LYPLAL1: variants seen among roughly 807,000 people sequenced by gnomAD.
The protein encoded by LYPLAL1 is lysophospholipase-like protein 1.
In LYPLAL1, 23 loss-of-function variants were observed where a neutral mutation model predicts 19.7. That is an observed-to-expected ratio of 1.17 (90% confidence interval 0.84 to 1.65). The LOEUF is 1.65. Ranked by LOEUF, LYPLAL1 falls within the 40% of genes most tolerant of loss-of-function variation. The pLI is 0.00. For missense variants in LYPLAL1, 355 were observed against 279.4 expected (o/e 1.27, Z -1.93); for synonymous variants, 119 against 96.3 (o/e 1.24, Z -1.38).
chr1:219,178,729 C>A (rs1300102935), intron 1 of LYPLAL1, among the ~76,000 whole-genome samples: 1 of 152,010 alleles, frequency 6.6e-6, no homozygotes, highest in African/African-American at 2.4e-5. Flanking sequence ...GTTCTTCTAA[C>A]TACAGAAGTT....
chr1:219,184,602 C>CT (rs1188013283), intron 2 of LYPLAL1, among the ~76,000 whole-genome samples: 6 of 151,444 alleles, frequency 4.0e-5, no homozygotes, highest in Admixed American at 1.3e-4. Context: ...GTATATATGC[C>CT]TTTTTTTTAT....
chr1:219,405,363 C>A, the LYPLAL1 span, among the ~76,000 whole-genome samples: 1 of 152,116 alleles, frequency 6.6e-6, no homozygotes, highest in African/African-American at 2.4e-5. Context: ...TATCTGCAGA[C>A]AAATGGTAAA....
the LYPLAL1 span, among the ~76,000 whole-genome samples, chr1:219,336,095 A>G: frequency 6.6e-6 from 1 of 151,192 alleles, no homozygotes; most frequent in African/African-American, 2.4e-5. Flanking sequence ...AACAGTGTTG[A>G]CAAAAAACTC....
At chr1:219,205,370 A>AAC (rs1553302366) in intron 3 of LYPLAL1, among the ~76,000 whole-genome samples, 12 of 149,792 alleles carry the variant, frequency 8.0e-5, no homozygotes, top group Non-Finnish European at 1.0e-4. Flanking sequence ...TCTCAAAAAA[A>AAC]AAAAAAAACA....
the LYPLAL1 span, among the ~76,000 whole-genome samples, chr1:219,289,081 T>TTTTG: frequency 1.3e-5 from 2 of 149,808 alleles, no homozygotes; most frequent in Non-Finnish European, 3.0e-5. Context: ...TTGTTTTGTT[T>TTTTG]TTTTTGTTTT....
the LYPLAL1 span, among the ~76,000 whole-genome samples, chr1:219,393,937 CTT>C: frequency 1.3e-5 from 2 of 151,364 alleles, no homozygotes; most frequent in Admixed American, 1.3e-4. Context: ...TAGAAAAAAA[CTT>C]GTGTTTCTAA....
At chr1:219,231,165 C>T in the LYPLAL1 span, among the ~76,000 whole-genome samples, 1 of 152,102 alleles carries the variant, frequency 6.6e-6, no homozygotes, top group African/African-American at 2.4e-5. Flanking sequence ...TCTTTAAGAC[C>T]CCTTAACAAT....
chr1:219,205,281 C>CGGGAA (rs1352343925), intron 3 of LYPLAL1, among the ~76,000 whole-genome samples: 6 of 145,342 alleles, frequency 4.1e-5, no homozygotes, highest in African/African-American at 1.3e-4. Flanking sequence ...GGCGTGAACC[C>CGGGAA]GGGAAGCGGA....
At chr1:219,410,332 T>C in the LYPLAL1 span, 1 of 152,288 alleles carries the variant, frequency 6.6e-6, no homozygotes, top group African/African-American at 2.4e-5. Flanking sequence ...ATGCTAGTTA[T>C]TAAACAGAAC....
At chr1:219,182,420 A>G (rs956167347) in intron 2 of LYPLAL1, among the ~76,000 whole-genome samples, 2 of 152,032 alleles carry the variant, frequency 1.3e-5, no homozygotes, top group Non-Finnish European at 2.9e-5. Flanking sequence ...TTTTAAGGAT[A>G]GTTGCTACCT....
At chr1:219,294,309 G>T in the LYPLAL1 span, among the ~76,000 whole-genome samples, 6 of 152,114 alleles carry the variant, frequency 3.9e-5, no homozygotes, top group Non-Finnish European at 7.4e-5. Context: ...GATCCTTGTG[G>T]ATGTTTAACA....
chr1:219,231,667 T>C, the LYPLAL1 span, among the ~76,000 whole-genome samples: 2 of 152,172 alleles, frequency 1.3e-5, no homozygotes, highest in Non-Finnish European at 2.9e-5. Context: ...AAAAGGATCA[T>C]TCATTTTTAA....
chr1:219,404,845 C>T, the LYPLAL1 span, among the ~76,000 whole-genome samples: 1 of 152,178 alleles, frequency 6.6e-6, no homozygotes, highest in Non-Finnish European at 1.5e-5. Flanking sequence ...ATGATTTGCT[C>T]ATTACACATT....
the LYPLAL1 span, among the ~76,000 whole-genome samples, chr1:219,268,762 G>T: frequency 7.2e-5 from 11 of 152,290 alleles, no homozygotes; most frequent in Admixed American, 6.5e-5. Context: ...ACAAAAGCAG[G>T]CTTCATTATT....
the LYPLAL1 span, among the ~76,000 whole-genome samples, chr1:219,321,326 C>G: frequency 3.6e-3 from 543 of 152,064 alleles, 5 homozygotes; most frequent in African/African-American, 0.012. Flanking sequence ...AATTCTTTGT[C>G]GATTCTGGAT....
At chr1:219,294,547 C>A in the LYPLAL1 span, among the ~76,000 whole-genome samples, 1 of 152,196 alleles carries the variant, frequency 6.6e-6, no homozygotes, top group Non-Finnish European at 1.5e-5. Flanking sequence ...CTAGTCATTG[C>A]TCCCCAAATA....
chr1:219,197,266 G>C (rs1362804503), intron 3 of LYPLAL1, among the ~76,000 whole-genome samples: 3 of 152,098 alleles, frequency 2.0e-5, no homozygotes, highest in Non-Finnish European at 2.9e-5. Flanking sequence ...CATGGCACTG[G>C]TACAAAAACA....
chr1:219,182,460 T>G (rs545803548), intron 2 of LYPLAL1, among the ~76,000 whole-genome samples: 13 of 152,232 alleles, frequency 8.5e-5, no homozygotes, highest in African/African-American at 2.9e-4. Flanking sequence ...TTTCTTGTGC[T>G]GCTAATAAGA....
the LYPLAL1 span, among the ~76,000 whole-genome samples, chr1:219,300,446 G>A: frequency 6.6e-6 from 1 of 151,368 alleles, no homozygotes; most frequent in African/African-American, 2.4e-5. Flanking sequence ...TTTACTTATG[G>A]CCCATGAACA....
Sources: allele counts gnomAD v4.1 joint callset (sites outside exome capture counted in the v4.1 genomes callset), GRCh38; gene constraint gnomAD v4.1.1; transcripts MANE v1.5; gene names NCBI Gene and HGNC (gene_info 2026-07-23, HGNC 2026-07-21).